The following KIAA1328 variants were observed in gnomAD, a reference collection of about 807,000 sequenced individuals.
The protein encoded by KIAA1328 is protein hinderin.
KIAA1328 carries 52 observed loss-of-function variants against 68.1 expected under a neutral mutation model. That is an observed-to-expected ratio of 0.76 (90% CI 0.61 to 0.96). The LOEUF (loss-of-function observed/expected upper bound fraction) is 0.96, where lower values mean the gene tolerates loss of function less well. Among genes scored for constraint, KIAA1328 ranks in the 40% least tolerant of loss-of-function variants. KIAA1328 has a pLI of 0.00. For missense variants in KIAA1328, 641 were observed against 677.6 expected (o/e 0.95, Z 0.60); for synonymous variants, 232 against 239.4 (o/e 0.97, Z 0.28).
chr18:37,122,076 T>C (rs752932838), intron 7 of KIAA1328, among the ~76,000 whole-genome samples: 6 of 152,086 alleles, frequency 3.9e-5, no homozygotes, highest in African/African-American at 1.4e-4. Context: ...GAAGCTAAAA[T>C]AGAATCCCAA....
intron 9 of KIAA1328, among the ~76,000 whole-genome samples, chr18:37,214,740 C>A (rs746978567): frequency 1.6e-4 from 24 of 152,166 alleles, no homozygotes; most frequent in Non-Finnish European, 3.1e-4. Flanking sequence ...TTACCTTGGG[C>A]AGTATGGCCA....
Position 37,067,375 on chromosome 18 carries a change from C to T in KIAA1328, c.1062C>T (p.Pro354=), listed in dbSNP as rs764306641. 6.2e-7 allele frequency: 1 copy of T among 1,613,690 alleles called. No individual in the cohort carries two copies. The highest frequency in any genetic ancestry group is 2.2e-5 in the East Asian group (1 of 44,856). Reference sequence around the variant, plus strand: ...TGCATGGTGGTGGGGCACTGCAACCCATTGAAACTTTGAAAAAGCAGATCT... The same window carrying T: ...TGCATGGTGGTGGGGCACTGCAACCTATTGAAACTTTGAAAAAGCAGATCT... ...SLVHGGGALQ[P]IETLKKQISE... The change falls in exon 7 of 10, where the codon CCC becomes CCT. Residue 354 remains proline (P), a synonymous_variant. Coordinates refer to ENST00000280020, the MANE Select transcript of KIAA1328 (RefSeq NM_020776.3).
At chr18:36,896,450 C>T (rs2048869164) in intron 5 of KIAA1328, among the ~76,000 whole-genome samples, 1 of 152,110 alleles carries the variant, frequency 6.6e-6, no homozygotes, top group South Asian at 2.1e-4. Context: ...CAGAGAGCAA[C>T]TTCTATGTTG....
chr18:36,940,414 G>C (rs896847182), intron 5 of KIAA1328, among the ~76,000 whole-genome samples: 2 of 152,112 alleles, frequency 1.3e-5, no homozygotes, highest in African/African-American at 2.4e-5. Flanking sequence ...TTTTATGGCA[G>C]GTTGATTATA....
chr18:36,980,903 T>C (rs1175547615), intron 6 of KIAA1328, among the ~76,000 whole-genome samples: 2 of 152,212 alleles, frequency 1.3e-5, no homozygotes, highest in African/African-American at 4.8e-5. Flanking sequence ...TCTGCCATGA[T>C]TGTGAGACCT....
chr18:37,106,977 C>A (rs1197913720), intron 7 of KIAA1328, among the ~76,000 whole-genome samples: 1 of 152,166 alleles, frequency 6.6e-6, no homozygotes, highest in Non-Finnish European at 1.5e-5. Context: ...GGTGCAGTAG[C>A]TCATGCTTGT....
intron 7 of KIAA1328, among the ~76,000 whole-genome samples, chr18:37,077,183 C>T (rs139989505): frequency 2.1e-3 from 20 of 9,542 alleles, no homozygotes; most frequent in Admixed American, 9.8e-3. Flanking sequence ...GTTCAATATA[C>T]GTAAATCAAT....
intron 6 of KIAA1328, among the ~76,000 whole-genome samples, chr18:37,041,923 G>C (rs997711553): frequency 6.6e-6 from 1 of 152,026 alleles, no homozygotes; most frequent in African/African-American, 2.4e-5. Flanking sequence ...ACAGGGACTT[G>C]CTCTGTCACC....
chr18:36,952,071 C>T (rs771332000), intron 5 of KIAA1328, among the ~76,000 whole-genome samples: 2 of 152,186 alleles, frequency 1.3e-5, no homozygotes, highest in Non-Finnish European at 2.9e-5. Context: ...CTCATTCTGT[C>T]CCACTCAGGA....
At chr18:37,219,285 G>T (rs1271544536) in intron 9 of KIAA1328, among the ~76,000 whole-genome samples, 1 of 152,210 alleles carries the variant, frequency 6.6e-6, no homozygotes, top group Non-Finnish European at 1.5e-5. Context: ...GCTACACAGG[G>T]GTCAGGGACC....
At chr18:37,098,911 G>A (rs924595183) in intron 7 of KIAA1328, among the ~76,000 whole-genome samples, 2 of 151,988 alleles carry the variant, frequency 1.3e-5, no homozygotes, top group Admixed American at 6.6e-5. Flanking sequence ...CTGTGGGATC[G>A]GTGGCAATAT....
chr18:37,215,023 T>C (rs895870570), intron 9 of KIAA1328, among the ~76,000 whole-genome samples: 1 of 152,358 alleles, frequency 6.6e-6, no homozygotes, highest in Middle Eastern at 3.4e-3. Flanking sequence ...TTTGCTGAAG[T>C]TGCTTATCAG....
chr18:37,205,990 C>T (rs1487856885), intron 9 of KIAA1328, among the ~76,000 whole-genome samples: 1 of 152,152 alleles, frequency 6.6e-6, no homozygotes, highest in Admixed American at 6.6e-5. Flanking sequence ...GGTATCATTC[C>T]TTAGTCCTTG....
chr18:37,074,026 T>C (rs191020177), intron 7 of KIAA1328, among the ~76,000 whole-genome samples: 40 of 152,332 alleles, frequency 2.6e-4, no homozygotes, highest in Non-Finnish European at 4.4e-4. Flanking sequence ...AGATGTCTCA[T>C]TGAACCATTG....
chr18:36,897,497 T>G (rs1343225322), intron 5 of KIAA1328, among the ~76,000 whole-genome samples: 1 of 151,762 alleles, frequency 6.6e-6, no homozygotes, highest in Non-Finnish European at 1.5e-5. Flanking sequence ...GAAAAGAAGA[T>G]GAGAGAGAGA....
chr18:37,201,636 C>T (rs1459078195), intron 9 of KIAA1328, among the ~76,000 whole-genome samples: 1 of 152,170 alleles, frequency 6.6e-6, no homozygotes, highest in Non-Finnish European at 1.5e-5. Context: ...GTTGGCTTTA[C>T]TGGAACTTTT....
At chr18:36,991,033 C>CTATT (rs1282072579) in intron 6 of KIAA1328, among the ~76,000 whole-genome samples, 5 of 151,982 alleles carry the variant, frequency 3.3e-5, no homozygotes, top group African/African-American at 9.7e-5. Flanking sequence ...TCTGTTCTTC[C>CTATT]TATTTATTTA....
At chr18:36,952,035 C>T (rs776523006) in intron 5 of KIAA1328, among the ~76,000 whole-genome samples, 172 of 152,170 alleles carry the variant, frequency 1.1e-3, no homozygotes, top group Non-Finnish European at 2.2e-3. Context: ...GAGATCTAGC[C>T]CCTGTTGATC....
At chr18:36,856,798 AT>A (rs1326696151) in intron 4 of KIAA1328, among the ~76,000 whole-genome samples, 2 of 152,138 alleles carry the variant, frequency 1.3e-5, no homozygotes, top group Middle Eastern at 3.2e-3. Flanking sequence ...AATTGTGGAA[AT>A]CTAGATTTCC....
Sources: allele counts gnomAD v4.1 joint callset (sites outside exome capture counted in the v4.1 genomes callset), GRCh38; gene constraint gnomAD v4.1.1; transcripts MANE v1.5; gene names NCBI Gene and HGNC (gene_info 2026-07-23, HGNC 2026-07-21).